Variants in GCNT1 observed in about 807,000 individuals in gnomAD.
GCNT1 encodes the protein glucosaminyl (N-acetyl) transferase 1.
In GCNT1, 16 loss-of-function variants were observed where a neutral mutation model predicts 26.2. The ratio of observed to expected loss-of-function variants is 0.61; its 90% CI spans 0.41 to 0.93. GCNT1 has a LOEUF of 0.93. GCNT1 is among the 40% of genes least tolerant of loss of function. The pLI, the probability that GCNT1 is intolerant of heterozygous loss-of-function variation, is 0.00. For synonymous variants in GCNT1, 183 were observed against 190.8 expected (o/e 0.96, Z 0.34); for missense variants, 477 against 526.7 (o/e 0.91, Z 0.92).
At chr9:76,481,495 A>G (rs1324715925) in intron 2 of GCNT1, among the ~76,000 whole-genome samples, 1 of 151,730 alleles carries the variant, frequency 6.6e-6, no homozygotes, top group Non-Finnish European at 1.5e-5. Flanking sequence ...TTTTCCAGGG[A>G]ATAAGGCCCA....
the GCNT1 span, among the ~76,000 whole-genome samples, chr9:76,406,496 CAAAA>C: frequency 3.2e-5 from 2 of 62,438 alleles, no homozygotes; most frequent in Middle Eastern, 0.013. Context: ...GACCCTGTCT[CAAAA>C]AAAAAAAAAA....
At chr9:76,480,552 A>G (rs1411585531) in intron 2 of GCNT1, among the ~76,000 whole-genome samples, 2 of 152,160 alleles carry the variant, frequency 1.3e-5, no homozygotes. Context: ...TGCAAAGTCA[A>G]TAGGCAGAAA....
At chr9:76,487,198 C>A (rs1188558942) in intron 2 of GCNT1, among the ~76,000 whole-genome samples, 1 of 152,214 alleles carries the variant, frequency 6.6e-6, no homozygotes, top group Non-Finnish European at 1.5e-5. Context: ...ATGGCAAGGC[C>A]TTCGCCTTGT....
chr9:76,441,419 T>A (rs1285629624), upstream of GCNT1, among the ~76,000 whole-genome samples: 2 of 152,170 alleles, frequency 1.3e-5, no homozygotes, highest in Non-Finnish European at 2.9e-5. Flanking sequence ...GTGCTGGGAT[T>A]ACAGGCATGA....
upstream of GCNT1, among the ~76,000 whole-genome samples, chr9:76,437,838 G>A (rs1169568238): frequency 6.6e-6 from 1 of 152,212 alleles, no homozygotes; most frequent in Non-Finnish European, 1.5e-5. Flanking sequence ...GCTTGATTAG[G>A]ATTGGACAAG....
At chr9:76,422,861 AT>A (rs1823216228) in intron 1 of GCNT1, among the ~76,000 whole-genome samples, 2 of 152,086 alleles carry the variant, frequency 1.3e-5, no homozygotes, top group East Asian at 1.9e-4. Context: ...CCTAACCATT[AT>A]TTTTTTCACT....
chr9:76,502,353 A>C lies in GCNT1; in HGVS notation c.-29A>C. 1.3e-6 allele frequency: 2 copies of C among 1,544,244 alleles called. No individual in the cohort carries two copies. The highest frequency in any genetic ancestry group is 8.9e-7 in the Non-Finnish European group (1 of 1,123,668). ...CTTGGAGCATAGAAGACTGCCCTTC[A>C]CAAAGGAAATCCCTGATTATTGTTT... On this transcript the variant is annotated 5_prime_UTR_variant, in exon 4 of 4. Coordinates refer to ENST00000376730, the MANE Select transcript of GCNT1 (RefSeq NM_001490.5).
Position 76,444,462 on chromosome 9 carries a change from C to A in GCNT1, c.-290+2147C>A, listed in dbSNP as rs550189518. ...CTGACAAAGAGTGACGAGAACAAAACCATGAGGATTAAGAGTCCAGGTGAG... is the reference window on the plus strand; with the variant it reads ...CTGACAAAGAGTGACGAGAACAAAAACATGAGGATTAAGAGTCCAGGTGAG... On this transcript the variant is annotated intron_variant, in intron 1 of 2. Transcript: ENST00000442371. 4.6e-5 allele frequency among the ~76,000 whole-genome samples: 7 copies of A among 152,176 alleles called. No individual in the cohort carries two copies. In the South Asian group the frequency reaches 1.2e-3, roughly 27 times the overall value.
At chr9:76,402,760 A>T in the GCNT1 span, among the ~76,000 whole-genome samples, 1 of 151,030 alleles carries the variant, frequency 6.6e-6, no homozygotes, top group Admixed American at 6.6e-5. Flanking sequence ...GCTCACTACA[A>T]CCTCCACCTC....
chr9:76,495,664 CA>C (rs1195670892), intron 2 of GCNT1, among the ~76,000 whole-genome samples: 1 of 152,128 alleles, frequency 6.6e-6, no homozygotes, highest in Non-Finnish European at 1.5e-5. Flanking sequence ...CTGATTGGTG[CA>C]TTTACAATCC....
rs1397242100 is a variant in GCNT1, at chr9:76,460,078, GGCACCCTC to G, written c.-386_-379del. ...CTGGCAGCGCTTTCTGCGCAGCACA[GGCACCCTC>G]GCCTGTCACGCCTCCCTCTCCTCTT... On this transcript the variant is annotated 5_prime_UTR_variant, in exon 2 of 4. Transcript: ENST00000376730. 1.3e-5 allele frequency: 2 copies of G among 152,208 alleles called. No homozygotes were observed. Among genetic ancestry groups the G allele is most frequent in the African/African-American group, 4.8e-5 (2 of 41,438 alleles). 9.4% of individuals were successfully genotyped at this position (152,208 alleles called of 1,614,324 possible).
upstream of GCNT1, among the ~76,000 whole-genome samples, chr9:76,455,958 A>G (rs1480105263): frequency 6.6e-6 from 1 of 152,194 alleles, no homozygotes; most frequent in Non-Finnish European, 1.5e-5. Flanking sequence ...ACATTTTAAG[A>G]ATATATTGCT....
the GCNT1 span, among the ~76,000 whole-genome samples, chr9:76,399,847 G>C: frequency 2.0e-5 from 3 of 152,200 alleles, no homozygotes; most frequent in Admixed American, 6.5e-5. Context: ...TTCAATAGGT[G>C]GGATAAACAA....
intron 1 of GCNT1, among the ~76,000 whole-genome samples, chr9:76,426,958 G>T (rs936169473): frequency 4.6e-5 from 7 of 152,132 alleles, no homozygotes; most frequent in Admixed American, 1.3e-4. Flanking sequence ...TATGGGCTGA[G>T]TTGTGTCATC....
At chr9:76,408,758 G>T in the GCNT1 span, among the ~76,000 whole-genome samples, 4 of 151,946 alleles carry the variant, frequency 2.6e-5, no homozygotes, top group Admixed American at 2.0e-4. Context: ...CACAATCTTG[G>T]CTCACTGCAG....
At chr9:76,435,461 C>T (rs1207246591) in intron 1 of GCNT1, among the ~76,000 whole-genome samples, 2 of 152,336 alleles carry the variant, frequency 1.3e-5, no homozygotes, top group East Asian at 3.9e-4. Context: ...TTACCACAGA[C>T]TCTGTGGCTA....
At chr9:76,438,204 A>G (rs1823434911), upstream of GCNT1, among the ~76,000 whole-genome samples, 1 of 152,250 alleles carries the variant, frequency 6.6e-6, no homozygotes, top group African/African-American at 2.4e-5. Flanking sequence ...TTAGGGAGAC[A>G]TAATGCATCA....
At chr9:76,496,393 A>C (rs772043101) in intron 2 of GCNT1, among the ~76,000 whole-genome samples, 2 of 152,192 alleles carry the variant, frequency 1.3e-5, no homozygotes, top group Non-Finnish European at 2.9e-5. Context: ...CTGCAGTGTA[A>C]ATAGAGCTGG....
the GCNT1 span, among the ~76,000 whole-genome samples, chr9:76,412,251 C>T: frequency 1.3e-5 from 2 of 152,122 alleles, no homozygotes; most frequent in Non-Finnish European, 2.9e-5. Flanking sequence ...TATGTATATA[C>T]ACCCAATCAA....
Sources: allele counts gnomAD v4.1 joint callset (sites outside exome capture counted in the v4.1 genomes callset), GRCh38; gene constraint gnomAD v4.1.1; transcripts MANE v1.5; gene names NCBI Gene and HGNC (gene_info 2026-07-23, HGNC 2026-07-21).